The following ADGRG2 variants were observed in gnomAD, a reference collection of about 807,000 sequenced individuals.
ADGRG2 encodes the protein G protein-coupled receptor 64.
In ADGRG2, 26 loss-of-function variants were observed where a neutral mutation model predicts 74.1. The observed-to-expected ratio is 0.35, with a 90% CI of 0.26 to 0.49. The LOEUF is 0.49. Among genes scored for constraint, ADGRG2 ranks in the 20% least tolerant of loss-of-function variants. ADGRG2 has a pLI of 0.99. For synonymous variants in ADGRG2, 296 were observed against 295.2 expected, an observed-to-expected ratio of 1.00 and a Z score of -0.03; for missense variants, 619 against 763.1, an observed-to-expected ratio of 0.81 and a Z score of 2.22.
At chrX:19,008,994 C>T (rs953725933) in intron 18 of ADGRG2, among the ~76,000 whole-genome samples, 8 of 111,572 alleles carry the variant, frequency 7.2e-5, no homozygotes, top group Non-Finnish European at 1.1e-4. Context: ...TACAGCAGTG[C>T]AGTTCTAACA....
intron 1 of ADGRG2, among the ~76,000 whole-genome samples, chrX:19,117,954 AAAG>A (rs1429969615): frequency 2.7e-5 from 3 of 111,363 alleles, no homozygotes; most frequent in Non-Finnish European, 5.6e-5. Context: ...AAAAAAAAAA[AAAG>A]AATTCCAAGC....
chrX:19,072,170 A>ATTT (rs11424709), intron 2 of ADGRG2, among the ~76,000 whole-genome samples: 1 of 103,514 alleles, frequency 9.7e-6, no homozygotes, highest in African/African-American at 3.5e-5. Flanking sequence ...TTTTTTTGCA[A>ATTT]TTTTTTTTTT....
intron 3 of ADGRG2, among the ~76,000 whole-genome samples, chrX:19,050,663 G>A (rs900601418): frequency 9.0e-6 from 1 of 111,628 alleles, no homozygotes; most frequent in Non-Finnish European, 1.9e-5. Flanking sequence ...TTAGGTAGGA[G>A]GATCACTTGA....
intron 1 of ADGRG2, among the ~76,000 whole-genome samples, chrX:19,086,649 A>C (rs2061940092): frequency 9.0e-6 from 1 of 111,016 alleles, no homozygotes; most frequent in Non-Finnish European, 1.9e-5. Context: ...GCACCCACAC[A>C]TCCTAGGGAT....
At chrX:19,056,934 T>C (rs1422949666) in intron 3 of ADGRG2, among the ~76,000 whole-genome samples, 1 of 111,660 alleles carries the variant, frequency 9.0e-6, no homozygotes, top group Non-Finnish European at 1.9e-5. Flanking sequence ...TTGAGTAAGT[T>C]TCTAACATTC....
intron 3 of ADGRG2, among the ~76,000 whole-genome samples, chrX:19,041,002 A>G (rs1448173079): frequency 1.8e-5 from 2 of 111,205 alleles, no homozygotes; most frequent in Non-Finnish European, 3.8e-5. Context: ...ATATTTACAT[A>G]TATACAGATA....
At chrX:19,113,621 G>C (rs2062454658) in intron 1 of ADGRG2, among the ~76,000 whole-genome samples, 1 of 111,840 alleles carries the variant, frequency 8.9e-6, no homozygotes, top group Non-Finnish European at 1.9e-5. Context: ...AAATGGTTCA[G>C]GAAAATCCTA....
At chrX:19,018,524 A>T (rs1159206090) in intron 15 of ADGRG2, among the ~76,000 whole-genome samples, 1 of 110,444 alleles carries the variant, frequency 9.1e-6, no homozygotes, top group Non-Finnish European at 1.9e-5. Context: ...TTTTATTGGA[A>T]CTAATTTTAG....
At chrX:19,000,657 C>T (rs2060113195) in intron 24 of ADGRG2, among the ~76,000 whole-genome samples, 1 of 111,716 alleles carries the variant, frequency 9.0e-6, no homozygotes, top group Admixed American at 9.5e-5. Context: ...CCCCTGCTAA[C>T]TAGACTGTAG....
chrX:19,121,545 G>A (rs901637073), intron 1 of ADGRG2, among the ~76,000 whole-genome samples: 3 of 110,883 alleles, frequency 2.7e-5, no homozygotes, highest in African/African-American at 9.9e-5. Flanking sequence ...TTTTCCTAAG[G>A]TTTTCAGCCT....
intron 1 of ADGRG2, among the ~76,000 whole-genome samples, chrX:19,086,394 C>T (rs771490704): frequency 8.1e-5 from 9 of 111,732 alleles, no homozygotes; most frequent in Non-Finnish European, 5.6e-5. Context: ...TTGCCCCAAA[C>T]CATGACATCA....
intron 4 of ADGRG2, 143 bp from the exon 5 acceptor site, chrX:19,037,779 A>G (rs1801963942): frequency 1.4e-5 from 6 of 425,191 alleles, no homozygotes; most frequent in African/African-American, 1.3e-4. Flanking sequence ...TGCATGTCCC[A>G]TAAGCGCTCA....
chrX:19,001,340 G>A (rs1378882666), intron 24 of ADGRG2, among the ~76,000 whole-genome samples: 1 of 111,244 alleles, frequency 9.0e-6, no homozygotes, highest in Non-Finnish European at 1.9e-5. Flanking sequence ...CCATGCCACC[G>A]CCCCACACTC....
chrX:19,078,945 G>A (rs187112400), intron 2 of ADGRG2, among the ~76,000 whole-genome samples: 2 of 110,639 alleles, frequency 1.8e-5, no homozygotes, highest in East Asian at 5.7e-4. Flanking sequence ...TAAGAGGTAC[G>A]GAAAAAGCAA....
chrX:19,076,143 C>T (rs768831028), intron 2 of ADGRG2, among the ~76,000 whole-genome samples: 10 of 112,158 alleles, frequency 8.9e-5, no homozygotes, highest in Non-Finnish European at 1.9e-4. Flanking sequence ...CTTGGTCATC[C>T]CTTGGGTCTG....
chrX:19,047,798 T>C (rs760500640), intron 3 of ADGRG2, among the ~76,000 whole-genome samples: 2 of 111,798 alleles, frequency 1.8e-5, no homozygotes, highest in Non-Finnish European at 3.8e-5. Flanking sequence ...ACAGACACTC[T>C]TCCAGGAACG....
intron 2 of ADGRG2, among the ~76,000 whole-genome samples, chrX:19,073,772 T>G (rs1427616679): frequency 1.8e-5 from 2 of 111,933 alleles, no homozygotes; most frequent in Non-Finnish European, 3.8e-5. Flanking sequence ...CATACTTTGA[T>G]TATACCATAG....
rs1211404457 is a variant in ADGRG2 at position 19,007,318 on chromosome X, T to C, written c.1606A>G (p.Ile536Val). Residue 536 changes from isoleucine (I) to valine (V), a missense_variant, in exon 20 of 29, where the codon ATA becomes GTA. Physicochemically the swap from Ile to Val is conservative, Grantham distance 29 (BLOSUM62 3). Around this residue, in one of 3 missense-constraint regions of ADGRG2, gnomAD observed 221 missense variants for 340.6 expected, o/e 0.65. Transcript: ENST00000379869. ...LENLSLISYV[I>V]SSSVANLTVR... ...GTCAGGTTTGCAACACTCGATGATA[T>C]GACGTAGCTGATCAGAGAGAGGTTC... is the stretch of plus-strand genomic sequence containing the variant. 8.3e-7 allele frequency: 1 copy of C among 1,205,485 alleles called. No individual in the cohort carries two copies. Among genetic ancestry groups the C allele is most frequent in the East Asian group, 3.0e-5 (1 of 33,808 alleles).
In ADGRG2 at chrX:19,025,446, G is replaced by A. The variant is rs779688755; in HGVS notation, c.471-1498C>T. 8.1e-5 allele frequency among the ~76,000 whole-genome samples: 9 copies of A among 111,369 alleles called. No individual in the cohort carries two copies. The South Asian group carries it at 3.0e-3, about 38-fold the overall frequency. ...ACTTGGTTTCCTATCTCAGAGAGTT[G>A]GGTTTATCCCTGTGGATCCCCAAGG... On this transcript the variant is annotated intron_variant, in intron 11 of 28. Coordinates refer to ENST00000379869, the MANE Select transcript of ADGRG2 (RefSeq NM_001079858.3).
Sources: allele counts gnomAD v4.1 joint callset (sites outside exome capture counted in the v4.1 genomes callset), GRCh38; gene constraint gnomAD v4.1.1; regional missense constraint gnomAD v4.1.1; transcripts MANE v1.5; gene names NCBI Gene and HGNC (gene_info 2026-07-23, HGNC 2026-07-21).